Variants in FYB2 observed in about 807,000 individuals in gnomAD.
The protein encoded by FYB2 is FYN binding protein 2.
A neutral mutation model predicts 94.1 loss-of-function variants in FYB2; 103 were observed. That is an observed-to-expected ratio of 1.09 (90% CI 0.93 to 1.29). The LOEUF (loss-of-function observed/expected upper bound fraction) is 1.29, where lower values mean the gene tolerates loss of function less well. Ranked by LOEUF, FYB2 falls within the 50% of genes most tolerant of loss-of-function variation. FYB2 has a pLI of 0.00. For synonymous variants in FYB2, 293 were observed against 287.9 expected (o/e 1.02, Z -0.18); for missense variants, 896 against 841.5 (o/e 1.06, Z -0.80).
At chr1:56,740,474 T>C (rs951039122) in intron 13 of FYB2, among the ~76,000 whole-genome samples, 2 of 152,058 alleles carry the variant, frequency 1.3e-5, no homozygotes, top group East Asian at 1.9e-4. Flanking sequence ...TTTTCAACCC[T>C]TTCTCTGCCA....
chr1:56,750,719 A>G (rs1340583265), intron 9 of FYB2, among the ~76,000 whole-genome samples: 1 of 152,018 alleles, frequency 6.6e-6, no homozygotes, highest in African/African-American at 2.4e-5. Flanking sequence ...ATCATATAAT[A>G]TACTGTCAGA....
Position 56,744,217 on chromosome 1 carries a change from C to T in FYB2, c.1437G>A (p.Gly479=), listed in dbSNP as rs764922056. ...LESTKETPDL[G]VSKTSSISEE... Reference sequence around the variant, plus strand: ...CCGAGATGGAACTTGTCTTAGAGACCCCTAGGTCTGGAGTTTCTTTAGTTG... The same window carrying T: ...CCGAGATGGAACTTGTCTTAGAGACTCCTAGGTCTGGAGTTTCTTTAGTTG... The change falls in exon 10 of 20, where the codon GGG becomes GGA. Residue 479 remains glycine, a synonymous_variant. Coordinates refer to ENST00000343433, the MANE Select transcript of FYB2 (RefSeq NM_001004303.5). 12 of 1,612,310 alleles carry T rather than the reference C, an allele frequency of 7.4e-6. No individual in the cohort carries two copies. The East Asian group carries it at 2.7e-4, about 36-fold the overall frequency.
At chr1:56,800,905 C>T (rs1389348327) in intron 1 of FYB2, among the ~76,000 whole-genome samples, 1 of 152,178 alleles carries the variant, frequency 6.6e-6, no homozygotes, top group Non-Finnish European at 1.5e-5. Flanking sequence ...AGCCCCCATC[C>T]TGAGTGGTAG....
chr1:56,719,697 G>GA lies in FYB2; in HGVS notation c.2166-6dup. 1 of 1,584,750 alleles carries GA rather than the reference G, an allele frequency of 6.3e-7. No homozygotes were observed. ...TAAGGTGACCAACTTTGATGCCTGTGAAAAAATAAAAATATGCAAACATTT... is the reference window on the plus strand; with the variant it reads ...TAAGGTGACCAACTTTGATGCCTGTGAAAAAAATAAAAATATGCAAACATTT... On this transcript the variant is annotated splice_region_variant and splice_polypyrimidine_tract_variant and intron_variant, in intron 19 of 19. Coordinates refer to ENST00000343433, the MANE Select transcript of FYB2 (RefSeq NM_001004303.5).
intron 1 of FYB2, among the ~76,000 whole-genome samples, chr1:56,814,434 C>T (rs1646835783): frequency 6.6e-6 from 1 of 152,140 alleles, no homozygotes; most frequent in Admixed American, 6.5e-5. Flanking sequence ...GAAAGTAATG[C>T]CAGGCTAAAT....
At chr1:56,774,559 T>C (rs1645831851) in intron 4 of FYB2, among the ~76,000 whole-genome samples, 1 of 152,178 alleles carries the variant, frequency 6.6e-6, no homozygotes, top group Admixed American at 6.5e-5. Flanking sequence ...TTATGTAATA[T>C]ATATTTTCAT....
At chr1:56,735,573 C>T (rs1180725906) in intron 15 of FYB2, among the ~76,000 whole-genome samples, 1 of 152,072 alleles carries the variant, frequency 6.6e-6, no homozygotes, top group Non-Finnish European at 1.5e-5. Context: ...CACTAAACCT[C>T]ACCTTGAATT....
At chr1:56,808,937 C>T (rs1048414017) in intron 1 of FYB2, among the ~76,000 whole-genome samples, 1 of 152,142 alleles carries the variant, frequency 6.6e-6, no homozygotes, top group Non-Finnish European at 1.5e-5. Flanking sequence ...AAATATTAAT[C>T]CTCTATATTA....
chr1:56,799,482 A>G (rs551271007), intron 1 of FYB2, among the ~76,000 whole-genome samples: 12 of 152,300 alleles, frequency 7.9e-5, no homozygotes, highest in African/African-American at 2.9e-4. Context: ...ATTTATTTAT[A>G]CCGACATGAG....
At chr1:56,737,289 T>C (rs1644849833) in intron 14 of FYB2, 142 bp from the exon 15 acceptor site, 1 of 549,720 alleles carries the variant, frequency 1.8e-6, no homozygotes, top group South Asian at 2.6e-5. Context: ...AAAATACAGA[T>C]AGGCTAGAAG....
At chr1:56,748,229 G>C (rs1261466426) in intron 9 of FYB2, among the ~76,000 whole-genome samples, 1 of 152,080 alleles carries the variant, frequency 6.6e-6, no homozygotes, top group African/African-American at 2.4e-5. Flanking sequence ...TGCTTTTGCT[G>C]TGCAGAAGCT....
Position 56,719,297 on chromosome 1 carries a change from G to A in FYB2, c.*374C>T, listed in dbSNP as rs1644441865. 1 of 177,562 alleles carries A rather than the reference G, an allele frequency of 5.6e-6. No homozygotes were observed. The highest frequency in any genetic ancestry group is 2.4e-5 in the African/African-American group (1 of 42,294). The allele number at this position is 177,562 out of a possible 1,614,324, so 11.0% of individuals were successfully genotyped here. A position where few individuals can be genotyped will look rare whatever the true frequency, so the allele number is the denominator to read the frequency against. ...TGCACAACATCTAGAAATTACAAAT[G>A]CTCATATACTAATATTAGAAGCAAA... On this transcript the variant is annotated 3_prime_UTR_variant, in exon 20 of 20. Transcript: ENST00000343433.
Position 56,740,727 on chromosome 1 carries a change from A to G in FYB2, c.1673T>C (p.Ile558Thr), listed in dbSNP as rs755707826. Reference protein sequence around the residue: ...FFKKEKDRFKIKKTKSKENLS... With the variant: ...FFKKEKDRFKTKKTKSKENLS... ...GTTTTCTTTCGACTTGGTTTTCTTT[A>G]TTTTAAATCTATCCTTTTCTTTCTT... Residue 558 changes from isoleucine (I) to threonine (T), a missense_variant, in exon 13 of 20, where the codon ATA (isoleucine) becomes ACA (threonine). Ile to Thr is a moderately conservative substitution (Grantham distance 89). Coordinates refer to ENST00000343433, the MANE Select transcript of FYB2 (RefSeq NM_001004303.5). 3 of 1,606,562 alleles carry G rather than the reference A, an allele frequency of 1.9e-6. No homozygotes were observed. Among genetic ancestry groups the G allele is most frequent in the Non-Finnish European group, 2.6e-6 (3 of 1,175,966 alleles).
chr1:56,751,341 T>C, intron 8 of FYB2, 138 bp from the exon 9 acceptor site: 1 of 997,408 alleles, frequency 1.0e-6, no homozygotes, highest in Non-Finnish European at 1.4e-6. Context: ...AATATCTTAC[T>C]AGACTCTAAG....
intron 2 of FYB2, among the ~76,000 whole-genome samples, chr1:56,790,980 A>C (rs1017589530): frequency 6.6e-6 from 1 of 152,198 alleles, no homozygotes; most frequent in African/African-American, 2.4e-5. Context: ...CAAGAAATCT[A>C]GTGTGTTGAC....
In FYB2 at chr1:56,735,110, T is replaced by G. The variant is rs923546771; in HGVS notation, c.1793+1977A>C. 1.4e-4 allele frequency among the ~76,000 whole-genome samples: 21 copies of G among 152,264 alleles called. No individual in the cohort carries two copies. The South Asian group carries it at 2.1e-3, about 15-fold the overall frequency. On this transcript the variant is annotated intron_variant, in intron 15 of 19. Coordinates refer to ENST00000343433, the MANE Select transcript of FYB2 (RefSeq NM_001004303.5). Reference sequence around the variant, plus strand: ...GATTCAGCAGTTCCATTGCTGGGTATTAATCCAAAGGAAATGAAATCAGTA... The same window carrying G: ...GATTCAGCAGTTCCATTGCTGGGTAGTAATCCAAAGGAAATGAAATCAGTA...
At chr1:56,791,520 T>A (rs1312928348) in intron 2 of FYB2, among the ~76,000 whole-genome samples, 1 of 152,190 alleles carries the variant, frequency 6.6e-6, no homozygotes, top group Non-Finnish European at 1.5e-5. Context: ...AATGTTGGGA[T>A]AACAGGCATA....
chr1:56,791,036 A>T (rs1297223818), intron 2 of FYB2, among the ~76,000 whole-genome samples: 1 of 152,130 alleles, frequency 6.6e-6, no homozygotes, highest in Non-Finnish European at 1.5e-5. Context: ...TAAGTCAGAC[A>T]CAAAGCAGGG....
At position 56,720,002 on chromosome 1, in the gene FYB2, T is replaced by C. The variant is rs753407888; in HGVS notation, c.2165+20A>G. The C allele has an allele frequency of 6.3e-6, 10 of 1,577,244 alleles. No individual in the cohort carries two copies. In the South Asian group the frequency reaches 1.2e-4, roughly 18 times the overall value. ...TGTATTAGGAACTCATGATTTAAAG[T>C]ATAAAATCAAACAGCTTACTTGAAA... is the stretch of plus-strand genomic sequence containing the variant. On this transcript the variant is annotated intron_variant, in intron 19 of 19. Coordinates refer to ENST00000343433, the MANE Select transcript of FYB2 (RefSeq NM_001004303.5).
Sources: gnomAD v4.1 joint callset for allele counts (sites outside exome capture counted in the v4.1 genomes callset) on GRCh38, gnomAD v4.1.1 for gene constraint, MANE v1.5 for transcripts, NCBI Gene and HGNC (gene_info 2026-07-23, HGNC 2026-07-21) for gene names.